The following NFIX variants were observed in gnomAD, a reference collection of about 807,000 sequenced individuals.
NFIX encodes the protein nuclear factor 1 X-type.
In NFIX, 2 loss-of-function variants were observed where a neutral mutation model predicts 53.3. The observed-to-expected ratio is 0.04, with a 90% CI of 0.02 to 0.12. NFIX has a LOEUF of 0.12. Among genes scored for constraint, NFIX ranks in the 10% least tolerant of loss-of-function variants. The pLI, the probability that NFIX is intolerant of heterozygous loss-of-function variation, is 1.00. For missense variants in NFIX, 310 were observed against 674.5 expected (o/e 0.46, Z 5.99); for synonymous variants, 244 against 289.0 (o/e 0.84, Z 1.58).
At chr19:13,084,513 C>T (rs1233535384) in intron 8 of NFIX, among the ~76,000 whole-genome samples, 3 of 152,168 alleles carry the variant, frequency 2.0e-5, no homozygotes, top group Admixed American at 2.0e-4. Flanking sequence ...CCAGGGCACA[C>T]CTATAGCCAT....
chr19:13,091,822 C>T (rs373655453), intron 10 of NFIX, among the ~76,000 whole-genome samples: 12 of 152,234 alleles, frequency 7.9e-5, no homozygotes, highest in East Asian at 3.8e-4. Context: ...GCTCTGCGGT[C>T]GTGCGCTCCG....
At chr19:13,046,015 C>T (rs1375545386) in intron 2 of NFIX, among the ~76,000 whole-genome samples, 1 of 152,226 alleles carries the variant, frequency 6.6e-6, no homozygotes, top group Non-Finnish European at 1.5e-5. Flanking sequence ...CCCCAACACA[C>T]ATCTGGCCTG....
intron 2 of NFIX, among the ~76,000 whole-genome samples, chr19:13,041,258 T>A (rs1307508397): frequency 2.0e-5 from 3 of 152,204 alleles, no homozygotes; most frequent in Admixed American, 1.3e-4. Flanking sequence ...GGAGTGTGCC[T>A]GGTACGTACA....
In NFIX at chr19:13,068,807, TG is replaced by T. The variant is rs1372093767; in HGVS notation, c.560-4238del. 1.3e-5 allele frequency among the ~76,000 whole-genome samples: 2 copies of T among 152,196 alleles called. 1 individual carries two copies. Among genetic ancestry groups the T allele is most frequent in the Non-Finnish European group, 2.9e-5 (2 of 68,034 alleles). ...AGGGGAGGCCTCTGCCTCAGAGACA[TG>T]GATCTCACGAGTAGCCCAGGTCCCC... On this transcript the variant is annotated intron_variant, in intron 2 of 10. Coordinates refer to ENST00000592199, the MANE Select transcript of NFIX (RefSeq NM_001365902.3). The surrounding 1 kb of genome is among the most constrained non-coding windows in gnomAD (Gnocchi z 4.2).
In NFIX at chr19:13,009,169, G is replaced by GCACA. The variant is rs143917196; in HGVS notation, c.27+13316_27+13319dup. Among the ~76,000 whole-genome samples, 4 of 151,426 alleles carry GCACA rather than the reference G, an allele frequency of 2.6e-5. No homozygotes were observed. Among genetic ancestry groups the GCACA allele is most frequent in the African/African-American group, 7.3e-5 (3 of 41,268 alleles). On this transcript the variant is annotated intron_variant, in intron 1 of 10. Coordinates refer to ENST00000592199, the MANE Select transcript of NFIX (RefSeq NM_001365902.3). The surrounding 1 kb of genome is among the most constrained non-coding windows in gnomAD (Gnocchi z 4.7). ...GTCTCACACACAACCTGTCACACAC[G>GCACA]CACACACACACACAGCGGCACAGTC...
In NFIX at chr19:13,037,778, A is replaced by G. The variant is rs149872241; in HGVS notation, c.559+12226A>G. ...TTTGTCCCGCAGGGAACATTTGGCAATGTCTGTGAACACTTTTGGTTGTCA... is the reference window on the plus strand; with the variant it reads ...TTTGTCCCGCAGGGAACATTTGGCAGTGTCTGTGAACACTTTTGGTTGTCA... On this transcript the variant is annotated intron_variant, in intron 2 of 10. Transcript: ENST00000592199. This position sits in a 1 kb window ranked among gnomAD's most constrained non-coding sequence, Gnocchi z 4.2. 2.6e-5 allele frequency among the ~76,000 whole-genome samples: 4 copies of G among 152,276 alleles called. No individual in the cohort carries two copies. The East Asian group carries it at 7.7e-4, about 29-fold the overall frequency.
In NFIX at chr19:13,089,457, C is replaced by T. The variant is rs550162664; in HGVS notation, c.1403-842C>T. 7.9e-5 allele frequency among the ~76,000 whole-genome samples: 12 copies of T among 152,324 alleles called. No homozygotes were observed. In the South Asian group the frequency reaches 1.2e-3, roughly 16 times the overall value. On this transcript the variant is annotated intron_variant, in intron 9 of 10. Coordinates refer to ENST00000592199, the MANE Select transcript of NFIX (RefSeq NM_001365902.3). This position sits in a 1 kb window ranked among gnomAD's most constrained non-coding sequence, Gnocchi z 4.8. ...TTGTCTTTGGGCCCCAGGATGGCTG[C>T]TCCCAGGCATCTGAGCCCTAGGGCT... is the stretch of plus-strand genomic sequence containing the variant.
Position 13,089,717 on chromosome 19 carries a change from C to T in NFIX, c.1403-582C>T, listed in dbSNP as rs1372649614. 6.6e-6 allele frequency among the ~76,000 whole-genome samples: 1 copy of T among 152,236 alleles called. No homozygotes were observed. Among genetic ancestry groups the T allele is most frequent in the Non-Finnish European group, 1.5e-5 (1 of 68,024 alleles). ...AAGCCTGCCTGCCTGGTCCTTGGGC[C>T]TGCCCAGAGTGGTAAGAGGTGTAGC... On this transcript the variant is annotated intron_variant, in intron 9 of 10. Coordinates refer to ENST00000592199, the MANE Select transcript of NFIX (RefSeq NM_001365902.3). This position sits in a 1 kb window ranked among gnomAD's most constrained non-coding sequence, Gnocchi z 4.8.
chr19:13,032,114 T>C (rs893904830), intron 2 of NFIX, among the ~76,000 whole-genome samples: 1 of 152,222 alleles, frequency 6.6e-6, no homozygotes, highest in Non-Finnish European at 1.5e-5. Context: ...CTTGTTTGTT[T>C]TCATTTGCCA....
intron 8 of NFIX, 175 bp downstream of exon 8, chr19:13,082,030 GTAT>G: frequency 1.5e-6 from 1 of 681,874 alleles, no homozygotes; most frequent in Non-Finnish European, 2.4e-6. Context: ...GGGGGTCTGT[GTAT>G]TATGCCAGGG....
intron 2 of NFIX, chr19:13,071,434 T>G (rs916576924): frequency 5.9e-5 from 9 of 152,130 alleles, no homozygotes; most frequent in South Asian, 2.1e-4. Flanking sequence ...GTAGGCTTCC[T>G]CCAGAGCAGA....
intron 8 of NFIX, among the ~76,000 whole-genome samples, chr19:13,086,487 T>C (rs766462962): frequency 6.6e-6 from 1 of 152,156 alleles, no homozygotes; most frequent in African/African-American, 2.4e-5. Context: ...ATAAAGAGAA[T>C]AGAGCTTCCT....
In NFIX at chr19:13,045,759, G is replaced by T. The variant is rs558744637; in HGVS notation, c.559+20207G>T. On this transcript the variant is annotated intron_variant, in intron 2 of 10. Transcript: ENST00000592199. The surrounding 1 kb of genome is among the most constrained non-coding windows in gnomAD (Gnocchi z 4.4). ...CTGTCCGTTCTCCCTCCCTTTTCTC[G>T]TAGGCTTCTTCCTCCTCCAGTGCAA... is the stretch of plus-strand genomic sequence containing the variant. 2.8e-4 allele frequency among the ~76,000 whole-genome samples: 43 copies of T among 152,266 alleles called. No individual in the cohort carries two copies. Among genetic ancestry groups the T allele is most frequent in the African/African-American group, 9.2e-4 (38 of 41,522 alleles).
chr19:13,026,636 CTAAACGGGCGGCACTCTGTGATTAAGCA>C (rs572007170), intron 2 of NFIX, among the ~76,000 whole-genome samples: 1 of 152,176 alleles, frequency 6.6e-6, no homozygotes, highest in Non-Finnish European at 1.5e-5. Context: ...CCTTTGAAAC[CTAAACGGGCGGCACTCTGTGATTAAGCA>C]AGGCAGAAGT....
At chr19:13,082,908 T>TGCTG (rs1381051339) in intron 8 of NFIX, among the ~76,000 whole-genome samples, 1 of 152,238 alleles carries the variant, frequency 6.6e-6, no homozygotes, top group East Asian at 1.9e-4. Context: ...ACCAGCCCCG[T>TGCTG]GCTGCCTTGG....
chr19:13,032,714 A>G (rs933789633), intron 2 of NFIX, among the ~76,000 whole-genome samples: 3 of 152,110 alleles, frequency 2.0e-5, no homozygotes, highest in African/African-American at 7.2e-5. Flanking sequence ...CTGGGCCCAC[A>G]GCTTGTTTTG....
At chr19:13,076,407 G>T (rs1476261380) in intron 6 of NFIX, among the ~76,000 whole-genome samples, 1 of 152,188 alleles carries the variant, frequency 6.6e-6, no homozygotes, top group Admixed American at 6.5e-5. Flanking sequence ...TTGACTGAGG[G>T]TGCAGACAGA....
intron 1 of NFIX, among the ~76,000 whole-genome samples, chr19:12,997,901 T>C (rs2011527633): frequency 6.6e-6 from 1 of 151,988 alleles, no homozygotes; most frequent in African/African-American, 2.4e-5. Context: ...ACAGTTCCAG[T>C]GTGCCAGGAT....
intron 2 of NFIX, among the ~76,000 whole-genome samples, chr19:13,059,221 C>T (rs1343884912): frequency 6.6e-6 from 1 of 152,216 alleles, no homozygotes; most frequent in African/African-American, 2.4e-5. Flanking sequence ...CTCTTGCAGC[C>T]GTTTCAAGGG....
Sources: allele counts gnomAD v4.1 joint callset (sites outside exome capture counted in the v4.1 genomes callset), GRCh38; gene constraint gnomAD v4.1.1; non-coding constraint Gnocchi (gnomAD v3.1); transcripts MANE v1.5; gene names NCBI Gene and HGNC (gene_info 2026-07-23, HGNC 2026-07-21).